The following KRABD5 variants were observed in gnomAD, a reference collection of about 807,000 sequenced individuals.
The protein encoded by KRABD5 is KRAB domain-containing protein 5.
At chr16:31,716,112 G>A in the KRABD5 span, among the ~76,000 whole-genome samples, 1 of 152,160 alleles carries the variant, frequency 6.6e-6, no homozygotes, top group South Asian at 2.1e-4. Flanking sequence ...TGCTCCTAGA[G>A]TTTCCTGCCA....
chr16:31,717,157 G>A, the KRABD5 span, among the ~76,000 whole-genome samples: 1 of 151,820 alleles, frequency 6.6e-6, no homozygotes, highest in East Asian at 1.9e-4. Flanking sequence ...CACCACACAG[G>A]GCTAGTTTTT....
chr16:31,740,625 G>A, the KRABD5 span, among the ~76,000 whole-genome samples: 14 of 126,068 alleles, frequency 1.1e-4, no homozygotes, highest in East Asian at 2.1e-4. Flanking sequence ...AAGACCCTGC[G>A]TCTAAGATTT....
the KRABD5 span, among the ~76,000 whole-genome samples, chr16:31,724,263 A>G: frequency 6.6e-6 from 1 of 151,396 alleles, no homozygotes; most frequent in Non-Finnish European, 1.5e-5. Flanking sequence ...TAAATTATAT[A>G]TATTTAAGAG....
At chr16:31,729,520 C>T in the KRABD5 span, among the ~76,000 whole-genome samples, 7 of 152,198 alleles carry the variant, frequency 4.6e-5, no homozygotes, top group Non-Finnish European at 7.3e-5. Context: ...AGGCAGAGCT[C>T]TCATGGCCTA....
chr16:31,748,997 G>A, the KRABD5 span, among the ~76,000 whole-genome samples: 1 of 152,204 alleles, frequency 6.6e-6, no homozygotes, highest in Non-Finnish European at 1.5e-5. Context: ...TGGAGGTAGT[G>A]TGCTTTGCTG....
chr16:31,717,002 T>G, the KRABD5 span, among the ~76,000 whole-genome samples: 125 of 142,366 alleles, frequency 8.8e-4, no homozygotes, highest in African/African-American at 3.0e-3. Flanking sequence ...TCTTTGTTTT[T>G]TTTTTTTTTT....
At chr16:31,748,087 A>C in the KRABD5 span, among the ~76,000 whole-genome samples, 1 of 151,814 alleles carries the variant, frequency 6.6e-6, no homozygotes, top group African/African-American at 2.4e-5. Flanking sequence ...CTGAATGGTA[A>C]TGCCTAGGTT....
chr16:31,725,369 C>T, the KRABD5 span, among the ~76,000 whole-genome samples: 5 of 152,182 alleles, frequency 3.3e-5, no homozygotes, highest in African/African-American at 1.2e-4. Context: ...CCGCACACCT[C>T]GTCCTCCCAA....
chr16:31,720,486 G>C, the KRABD5 span, among the ~76,000 whole-genome samples: 1 of 152,198 alleles, frequency 6.6e-6, no homozygotes, highest in African/African-American at 2.4e-5. Flanking sequence ...GGAATGCTTA[G>C]TTAAGTGATT....
chr16:31,742,877 C>A, the KRABD5 span, among the ~76,000 whole-genome samples: 1 of 152,140 alleles, frequency 6.6e-6, no homozygotes, highest in African/African-American at 2.4e-5. Context: ...GATGGTGTCT[C>A]ATTATGGTTT....
At chr16:31,719,810 A>G in the KRABD5 span, among the ~76,000 whole-genome samples, 1 of 152,252 alleles carries the variant, frequency 6.6e-6, no homozygotes, top group African/African-American at 2.4e-5. Flanking sequence ...CAGTGTTTCT[A>G]GAGACATCCC....
chr16:31,741,967 G>A, the KRABD5 span, among the ~76,000 whole-genome samples: 2 of 152,078 alleles, frequency 1.3e-5, no homozygotes, highest in South Asian at 2.1e-4. Context: ...TTTTATATAT[G>A]GTGAAATGTA....
the KRABD5 span, chr16:31,759,482 G>A: frequency 2.9e-6 from 4 of 1,393,782 alleles, no homozygotes; most frequent in African/African-American, 5.7e-5. Context: ...GTTTATATGG[G>A]TCTATTTATT....
At chr16:31,726,999 C>T in the KRABD5 span, among the ~76,000 whole-genome samples, 1 of 152,078 alleles carries the variant, frequency 6.6e-6, no homozygotes, top group Non-Finnish European at 1.5e-5. Context: ...TCTTTCACCT[C>T]CTTTGTTAAA....
chr16:31,749,857 G>A, the KRABD5 span, among the ~76,000 whole-genome samples: 16 of 152,216 alleles, frequency 1.1e-4, no homozygotes, highest in South Asian at 2.1e-4. Flanking sequence ...GGGAGCCTCC[G>A]AACGCTACTG....
chr16:31,742,063 T>A, the KRABD5 span, among the ~76,000 whole-genome samples: 93 of 152,270 alleles, frequency 6.1e-4, no homozygotes, highest in Non-Finnish European at 1.2e-3. Context: ...CTATTGCTTA[T>A]TTTTGTTGAC....
chr16:31,743,221 C>T, the KRABD5 span, among the ~76,000 whole-genome samples: 455 of 152,180 alleles, frequency 3.0e-3, no homozygotes, highest in Non-Finnish European at 5.4e-3. Flanking sequence ...AATAGTATTG[C>T]CAAGATTTTC....
At chr16:31,750,833 C>T in the KRABD5 span, among the ~76,000 whole-genome samples, 1 of 151,998 alleles carries the variant, frequency 6.6e-6, no homozygotes, top group East Asian at 1.9e-4. Flanking sequence ...CTGGAGTGCT[C>T]ACTGCAACCT....
At chr16:31,715,301 G>A in the KRABD5 span, among the ~76,000 whole-genome samples, 4 of 152,216 alleles carry the variant, frequency 2.6e-5, no homozygotes, top group African/African-American at 9.6e-5. Context: ...AGGAGAGTTT[G>A]TGGCTTTGTG....
Sources: gnomAD v4.1 joint callset for allele counts (sites outside exome capture counted in the v4.1 genomes callset) on GRCh38, gnomAD v4.1.1 for gene constraint, MANE v1.5 for transcripts, NCBI Gene and HGNC (gene_info 2026-07-23, HGNC 2026-07-21) for gene names.